The following CPPED1 variants were observed in gnomAD, a reference collection of about 807,000 sequenced individuals.
CPPED1 encodes the protein calcineurin like phosphoesterase domain containing 1, also known as serine/threonine-protein phosphatase CPPED1.
In CPPED1, 28 loss-of-function variants were observed where a neutral mutation model predicts 28.0. The ratio of observed to expected loss-of-function variants is 1.00; its 90% CI spans 0.74 to 1.37. CPPED1 has a LOEUF of 1.37. CPPED1 is among the 40% of genes most tolerant of loss of function. The pLI is 0.00. For synonymous variants in CPPED1, 198 were observed against 180.2 expected, an observed-to-expected ratio of 1.10 and a Z score of -0.79; for missense variants, 504 against 416.5, an observed-to-expected ratio of 1.21 and a Z score of -1.83.
intron 3 of CPPED1, among the ~76,000 whole-genome samples, chr16:12,696,725 G>A (rs939423562): frequency 1.3e-5 from 2 of 151,956 alleles, no homozygotes; most frequent in Non-Finnish European, 2.9e-5. Flanking sequence ...TTACAGGTGT[G>A]AGCCGCTGCG....
At chr16:12,667,203 G>A (rs187919380) in intron 3 of CPPED1, among the ~76,000 whole-genome samples, 2 of 152,146 alleles carry the variant, frequency 1.3e-5, no homozygotes, top group African/African-American at 2.4e-5. Context: ...GAGAAATCAC[G>A]TGGTAAAATA....
At chr16:12,706,672 C>A (rs2080052849) in intron 2 of CPPED1, among the ~76,000 whole-genome samples, 2 of 151,928 alleles carry the variant, frequency 1.3e-5, no homozygotes, top group Admixed American at 6.6e-5. Context: ...AGCCCCAGGG[C>A]CAGCCTGGAT....
At chr16:12,803,438 T>G (rs2080672874) in intron 1 of CPPED1, among the ~76,000 whole-genome samples, 1 of 152,208 alleles carries the variant, frequency 6.6e-6, no homozygotes, top group Non-Finnish European at 1.5e-5. Flanking sequence ...TAACTATGCT[T>G]TGCTACCCTC....
intron 3 of CPPED1, among the ~76,000 whole-genome samples, chr16:12,681,799 G>A (rs944542064): frequency 2.0e-5 from 3 of 152,068 alleles, no homozygotes; most frequent in Non-Finnish European, 2.9e-5. Context: ...ATAAAATGAC[G>A]TTTCCCACTT....
intron 2 of CPPED1, among the ~76,000 whole-genome samples, chr16:12,714,085 A>C (rs1316467512): frequency 6.6e-6 from 1 of 152,172 alleles, no homozygotes; most frequent in Non-Finnish European, 1.5e-5. Context: ...TTCAAGGTTC[A>C]TCTATTTTGT....
chr16:12,667,689 A>G (rs1567270822), intron 3 of CPPED1, among the ~76,000 whole-genome samples: 1 of 152,230 alleles, frequency 6.6e-6, no homozygotes, highest in Non-Finnish European at 1.5e-5. Flanking sequence ...AGAAGACAAT[A>G]CAGAGACCCA....
At chr16:12,702,016 T>C (rs2080023332) in intron 3 of CPPED1, among the ~76,000 whole-genome samples, 1 of 152,108 alleles carries the variant, frequency 6.6e-6, no homozygotes, top group Non-Finnish European at 1.5e-5. Context: ...AAAGCACCGC[T>C]GGGGTGGAGG....
chr16:12,732,127 T>A (rs2080201189), intron 2 of CPPED1, among the ~76,000 whole-genome samples: 1 of 149,992 alleles, frequency 6.7e-6, no homozygotes, highest in Non-Finnish European at 1.5e-5. Context: ...CCAGCCTGGA[T>A]GACAAACGTG....
At chr16:12,684,517 A>G (rs1192289955) in intron 3 of CPPED1, among the ~76,000 whole-genome samples, 3 of 152,202 alleles carry the variant, frequency 2.0e-5, no homozygotes, top group African/African-American at 7.2e-5. Context: ...TTGTGGCTCC[A>G]GCCTCTGCCC....
intron 2 of CPPED1, among the ~76,000 whole-genome samples, chr16:12,714,379 T>C (rs187144901): frequency 6.6e-6 from 1 of 152,316 alleles, no homozygotes; most frequent in East Asian, 1.9e-4. Context: ...CAGACTGTCT[T>C]CCAAAGCACC....
chr16:12,764,338 C>T (rs528668293), intron 2 of CPPED1, among the ~76,000 whole-genome samples: 2 of 151,832 alleles, frequency 1.3e-5, no homozygotes, highest in Non-Finnish European at 2.9e-5. Context: ...CAAGTAGCTG[C>T]GATAACATGC....
At chr16:12,781,854 C>T (rs769096862) in intron 1 of CPPED1, among the ~76,000 whole-genome samples, 1 of 152,066 alleles carries the variant, frequency 6.6e-6, no homozygotes, top group African/African-American at 2.4e-5. Context: ...CCATTTCCAC[C>T]GTTTCGGGGG....
chr16:12,728,998 T>A (rs1035721586), intron 2 of CPPED1, among the ~76,000 whole-genome samples: 14 of 152,164 alleles, frequency 9.2e-5, no homozygotes, highest in Admixed American at 6.6e-5. Flanking sequence ...CTAAGTATAC[T>A]TGTTCTCTGC....
intron 3 of CPPED1, among the ~76,000 whole-genome samples, chr16:12,689,422 G>A (rs190630600): frequency 6.6e-6 from 1 of 151,150 alleles, no homozygotes; most frequent in East Asian, 2.0e-4. Context: ...TAGAGATGGG[G>A]TCTTGCTATG....
At chr16:12,717,011 C>G (rs552815116) in intron 2 of CPPED1, among the ~76,000 whole-genome samples, 82 of 151,868 alleles carry the variant, frequency 5.4e-4, no homozygotes, top group Middle Eastern at 6.8e-3. Context: ...CCAAACATCA[C>G]AGGGCTTAGG....
chr16:12,669,464 G>T (rs1164001113), intron 3 of CPPED1, among the ~76,000 whole-genome samples: 1 of 152,118 alleles, frequency 6.6e-6, no homozygotes, highest in East Asian at 1.9e-4. Context: ...CTTCAAAAGA[G>T]TGCATTTTAT....
At chr16:12,744,091 A>G (rs1215467313) in intron 2 of CPPED1, among the ~76,000 whole-genome samples, 2 of 152,036 alleles carry the variant, frequency 1.3e-5, no homozygotes, top group Admixed American at 6.6e-5. Flanking sequence ...CCTGGCTAAC[A>G]TGGTGAAACC....
rs531124148 is a variant in CPPED1, at chr16:12,717,286, C to T, written c.290-12237G>A. 1.4e-4 allele frequency among the ~76,000 whole-genome samples: 21 copies of T among 152,286 alleles called. 1 individual carries two copies. Among genetic ancestry groups the T allele is most frequent in the Admixed American group, 8.5e-4 (13 of 15,300 alleles). ...TATTGGGATCTTTTTTTCTTTGAGGCGGAGTCTCGCTTTGTCGCCCAGGCT... is the reference window on the plus strand; with the variant it reads ...TATTGGGATCTTTTTTTCTTTGAGGTGGAGTCTCGCTTTGTCGCCCAGGCT... On this transcript the variant is annotated intron_variant, in intron 2 of 3. Coordinates refer to ENST00000381774, the MANE Select transcript of CPPED1 (RefSeq NM_018340.3).
intron 1 of CPPED1, among the ~76,000 whole-genome samples, chr16:12,797,311 G>C (rs930271095): frequency 6.6e-6 from 1 of 152,180 alleles, no homozygotes; most frequent in Non-Finnish European, 1.5e-5. Flanking sequence ...AGCACTTTTG[G>C]AGGCTAAGGC....
Sources: gnomAD v4.1 joint callset for allele counts (sites outside exome capture counted in the v4.1 genomes callset) on GRCh38, gnomAD v4.1.1 for gene constraint, MANE v1.5 for transcripts, NCBI Gene and HGNC (gene_info 2026-07-23, HGNC 2026-07-21) for gene names.